Variants in TTC17 observed in about 807,000 individuals in gnomAD.
TTC17 encodes tetratricopeptide repeat domain 17.
TTC17 carries 58 observed loss-of-function variants against 143.8 expected under a neutral mutation model. The observed-to-expected ratio is 0.40, with a 90% confidence interval of 0.33 to 0.50. TTC17 has a LOEUF of 0.50. Ranked by LOEUF, TTC17 falls within the 20% of genes least tolerant of loss-of-function variation. TTC17 has a pLI of 0.49. For synonymous variants in TTC17, 501 were observed against 497.8 expected (o/e 1.01, Z -0.09); for missense variants, 1,273 against 1,392.5 (o/e 0.91, Z 1.37).
At chr11:43,451,095 G>A (rs1947648376) in intron 20 of TTC17, 87 bp from the exon 21 acceptor site, 16 of 1,292,278 alleles carry the variant, frequency 1.2e-5, no homozygotes, top group Non-Finnish European at 1.8e-5. Context: ...TTGCCTCTGT[G>A]GTACAGTGCC....
intron 22 of TTC17, chr11:43,491,654 A>G (rs909751475): frequency 5.9e-6 from 1 of 168,610 alleles, no homozygotes; most frequent in African/African-American, 2.4e-5. Context: ...TGGCTTTCTG[A>G]CAGCATGACT....
chr11:43,397,684 A>G lies in TTC17; in HGVS notation c.918+193A>G, dbSNP rs74509553. ...CTAGCCTCTTGCCAAAAAAACAATA[A>G]TAATAATTAAATTGGAATTTTAAAC... is the stretch of plus-strand genomic sequence containing the variant. On this transcript the variant is annotated intron_variant, in intron 7 of 23. Coordinates refer to ENST00000039989, the MANE Select transcript of TTC17 (RefSeq NM_018259.6). Among the ~76,000 whole-genome samples, 13,182 of 152,080 alleles carry G rather than the reference A, an allele frequency of 0.087. 874 individuals carry two copies. The highest frequency in any genetic ancestry group is 0.23 in the Admixed American group (3,460 of 15,252).
At chr11:43,447,926 T>C in intron 18 of TTC17, 76 bp from the exon 19 acceptor site, 1 of 1,538,926 alleles carries the variant, frequency 6.5e-7, no homozygotes. Flanking sequence ...CCAGGTGAAG[T>C]AATCACCAGG....
rs1372994366 is a variant in TTC17, at chr11:43,409,885, A to G, written c.2064+2308A>G. ...GAGACAAAATCTTGCTCTGTCACCC[A>G]GGCTGTAGTGCAGTGACATGATCTC... On this transcript the variant is annotated intron_variant, in intron 15 of 23. Coordinates refer to ENST00000039989, the MANE Select transcript of TTC17 (RefSeq NM_018259.6). 3.3e-5 allele frequency among the ~76,000 whole-genome samples: 5 copies of G among 149,362 alleles called. No individual in the cohort carries two copies. The Admixed American group carries it at 3.4e-4, about 10-fold the overall frequency.
intron 16 of TTC17, among the ~76,000 whole-genome samples, chr11:43,420,856 C>CATTAT (rs1946886416): frequency 6.6e-6 from 1 of 152,106 alleles, no homozygotes; most frequent in East Asian, 1.9e-4. Flanking sequence ...TTCATCCAGT[C>CATTAT]ATTATAGGTT....
intron 20 of TTC17, 42 bp downstream of exon 20, chr11:43,450,283 G>A: frequency 6.3e-7 from 1 of 1,587,860 alleles, no homozygotes; most frequent in Non-Finnish European, 8.6e-7. Context: ...TAGCCTCACA[G>A]TTAGGATGCA....
At chr11:43,413,538 C>T (rs2134619508) in intron 15 of TTC17, among the ~76,000 whole-genome samples, 1 of 151,386 alleles carries the variant, frequency 6.6e-6, no homozygotes, top group South Asian at 2.1e-4. Context: ...AGTAAAAAAA[C>T]AAACCATAGA....
At chr11:43,480,040 T>C (rs1397507064) in intron 21 of TTC17, among the ~76,000 whole-genome samples, 1 of 152,188 alleles carries the variant, frequency 6.6e-6, no homozygotes, top group African/African-American at 2.4e-5. Context: ...AATCTTCTAG[T>C]GCACATGTTT....
At chr11:43,485,440 A>G (rs540446375) in intron 21 of TTC17, among the ~76,000 whole-genome samples, 81 of 152,186 alleles carry the variant, frequency 5.3e-4, no homozygotes, top group Non-Finnish European at 1.1e-3. Flanking sequence ...GCTATGGAGT[A>G]AGGAAAGTTT....
intron 1 of TTC17, among the ~76,000 whole-genome samples, chr11:43,366,505 C>CAA (rs11284058): frequency 1.4e-3 from 169 of 121,970 alleles, no homozygotes; most frequent in East Asian, 3.8e-3. Flanking sequence ...GACTCTGCCT[C>CAA]AAAAAAAAAA....
At chr11:43,483,169 ATAAAT>A (rs1172703163) in intron 21 of TTC17, among the ~76,000 whole-genome samples, 3 of 137,938 alleles carry the variant, frequency 2.2e-5, no homozygotes, top group African/African-American at 5.5e-5. Context: ...TAATTCTCAA[ATAAAT>A]TAAGTAGTAA....
At chr11:43,443,682 A>T in intron 17 of TTC17, 98 bp downstream of exon 17, 2 of 1,451,924 alleles carry the variant, frequency 1.4e-6, no homozygotes, top group East Asian at 4.6e-5. Context: ...ATGTGGCACT[A>T]CTTGGCTATG....
Position 43,389,726 on chromosome 11 carries a change from T to C in TTC17, c.324T>C (p.Asn108=). ...ACACAGGACTGGAACAGAGACATAA[T>C]AAAGAAGACCCAGACTGCATCAAAG... is the stretch of plus-strand genomic sequence containing the variant. ...DRDTGLEQRH[N]KEDPDCIKAK... is the part of the protein sequence containing the mutation. Residue 108 remains asparagine (N), a synonymous_variant, in exon 3 of 24, where the codon AAT becomes AAC. Coordinates refer to ENST00000039989, the MANE Select transcript of TTC17 (RefSeq NM_018259.6). 1 of 1,614,012 alleles carries C rather than the reference T, an allele frequency of 6.2e-7. No homozygotes were observed. The highest frequency in any genetic ancestry group is 8.5e-7 in the Non-Finnish European group (1 of 1,179,936).
chr11:43,482,334 C>G (rs1405324242), intron 21 of TTC17, among the ~76,000 whole-genome samples: 1 of 150,640 alleles, frequency 6.6e-6, no homozygotes, highest in African/African-American at 2.4e-5. Context: ...TGTAGATGTT[C>G]AATGCTAAAA....
At chr11:43,382,303 A>G (rs1857000803) in intron 2 of TTC17, among the ~76,000 whole-genome samples, 1 of 152,260 alleles carries the variant, frequency 6.6e-6, no homozygotes, top group East Asian at 1.9e-4. Flanking sequence ...TGCAAGAAGA[A>G]AAGTAAACCT....
intron 10 of TTC17, among the ~76,000 whole-genome samples, chr11:43,402,761 TGA>T (rs1168939502): frequency 2.0e-5 from 3 of 152,270 alleles, no homozygotes; most frequent in South Asian, 2.1e-4. Flanking sequence ...TTCAGAAAAC[TGA>T]TACTCAACCT....
At chr11:43,481,385 A>G (rs564461317) in intron 21 of TTC17, among the ~76,000 whole-genome samples, 32 of 152,302 alleles carry the variant, frequency 2.1e-4, no homozygotes, top group African/African-American at 7.0e-4. Context: ...AAGTTTTGGT[A>G]TCAGGATAAT....
At chr11:43,434,463 T>C (rs946163020) in intron 16 of TTC17, among the ~76,000 whole-genome samples, 1 of 152,164 alleles carries the variant, frequency 6.6e-6, no homozygotes, top group African/African-American at 2.4e-5. Flanking sequence ...AGATCTCAGA[T>C]CTACTACTTA....
intron 2 of TTC17, among the ~76,000 whole-genome samples, chr11:43,383,912 A>G (rs1857071584): frequency 6.6e-6 from 1 of 152,122 alleles, no homozygotes; most frequent in African/African-American, 2.4e-5. Flanking sequence ...CACACCTGTA[A>G]TCCTAGTACT....
Sources: gnomAD v4.1 joint callset for allele counts (sites outside exome capture counted in the v4.1 genomes callset) on GRCh38, gnomAD v4.1.1 for gene constraint, MANE v1.5 for transcripts, NCBI Gene and HGNC (gene_info 2026-07-23, HGNC 2026-07-21) for gene names.